Variants in CAMK1D observed in about 807,000 individuals in gnomAD.
CAMK1D encodes the protein calcium/calmodulin-dependent protein kinase type 1D.
In CAMK1D, 9 loss-of-function variants were observed where a neutral mutation model predicts 47.7. The ratio of observed to expected loss-of-function variants is 0.19; its 90% CI spans 0.11 to 0.33. CAMK1D has a LOEUF of 0.33. Ranked by LOEUF, CAMK1D falls within the 10% of genes least tolerant of loss-of-function variation. The pLI is 1.00. For synonymous variants in CAMK1D, 184 were observed against 184.9 expected (o/e 0.99, Z 0.04); for missense variants, 291 against 488.7 (o/e 0.60, Z 3.81).
In CAMK1D at chr10:12,761,514, G is replaced by A. The variant is rs1836507319; in HGVS notation, c.438+428G>A. Among the ~76,000 whole-genome samples, 3 of 152,242 alleles carry A rather than the reference G, an allele frequency of 2.0e-5. 1 individual carries two copies. The highest frequency in any genetic ancestry group is 6.8e-3 in the Middle Eastern group (2 of 294). ...AAAGAGAGCAGTGGTCAGACATCAT[G>A]AGAGGAAAGTGAAGGGAAACAGAAG... On this transcript the variant is annotated intron_variant, in intron 4 of 10. Transcript: ENST00000619168.
At chr10:12,354,003 A>C (rs1837424351) in intron 1 of CAMK1D, among the ~76,000 whole-genome samples, 1 of 152,084 alleles carries the variant, frequency 6.6e-6, no homozygotes, top group African/African-American at 2.4e-5. Flanking sequence ...GGTGTCTAGG[A>C]AGCACCCTAG....
At chr10:12,374,421 G>A (rs374187185) in intron 1 of CAMK1D, among the ~76,000 whole-genome samples, 27 of 152,140 alleles carry the variant, frequency 1.8e-4, no homozygotes, top group African/African-American at 5.5e-4. Flanking sequence ...ACACGGTACC[G>A]TGTCCTACAG....
chr10:12,731,253 C>T (rs565066752), intron 3 of CAMK1D, among the ~76,000 whole-genome samples: 9 of 152,104 alleles, frequency 5.9e-5, no homozygotes, highest in Non-Finnish European at 1.3e-4. Context: ...ATCGTGCGTC[C>T]TCTATGAAGG....
At chr10:12,425,760 T>C (rs1317095406) in intron 1 of CAMK1D, among the ~76,000 whole-genome samples, 1 of 152,274 alleles carries the variant, frequency 6.6e-6, no homozygotes, top group Non-Finnish European at 1.5e-5. Context: ...TAATCATTGC[T>C]TGATACATAT....
At chr10:12,362,680 T>G (rs540029979) in intron 1 of CAMK1D, among the ~76,000 whole-genome samples, 430 of 152,202 alleles carry the variant, frequency 2.8e-3, no homozygotes, top group Non-Finnish European at 3.7e-3. Flanking sequence ...ATTTTTTATT[T>G]TTTTTATTTT....
intron 2 of CAMK1D, among the ~76,000 whole-genome samples, chr10:12,660,725 T>A (rs1284189702): frequency 1.3e-5 from 2 of 152,240 alleles, no homozygotes; most frequent in Non-Finnish European, 2.9e-5. Context: ...AGCTCATGCT[T>A]ACTTTGGGCC....
intron 2 of CAMK1D, among the ~76,000 whole-genome samples, chr10:12,616,719 T>A (rs867195305): frequency 6.6e-6 from 1 of 152,094 alleles, no homozygotes; most frequent in East Asian, 1.9e-4. Flanking sequence ...GGGTTTCACC[T>A]TGTTAGCCAG....
intron 2 of CAMK1D, among the ~76,000 whole-genome samples, chr10:12,584,410 C>A (rs1390447991): frequency 6.6e-6 from 1 of 152,174 alleles, no homozygotes. Flanking sequence ...ATAGCATATT[C>A]TACTTGTTGA....
intron 2 of CAMK1D, among the ~76,000 whole-genome samples, chr10:12,584,125 TGTGAGTGCAGATTCTTA>T (rs1837744822): frequency 6.6e-6 from 1 of 152,226 alleles, no homozygotes; most frequent in South Asian, 2.1e-4. Flanking sequence ...GTTAATGTCT[TGTGAGTGCAGATTCTTA>T]AAGTGATGCC....
chr10:12,505,265 A>G (rs1222076261), intron 1 of CAMK1D, among the ~76,000 whole-genome samples: 1 of 152,200 alleles, frequency 6.6e-6, no homozygotes, highest in Admixed American at 6.5e-5. Context: ...GGCTCCTGGG[A>G]GTCTTCAAGA....
intron 1 of CAMK1D, among the ~76,000 whole-genome samples, chr10:12,427,698 C>CTGTTTTTTTTGTT (rs1840282580): frequency 7.3e-5 from 2 of 27,366 alleles, no homozygotes; most frequent in African/African-American, 2.3e-4. Flanking sequence ...ACTGAACTTA[C>CTGTTTTTTTTGTT]TGTTTTTTTT....
intron 2 of CAMK1D, among the ~76,000 whole-genome samples, chr10:12,609,023 T>C (rs745689207): frequency 6.6e-6 from 1 of 152,266 alleles, no homozygotes; most frequent in African/African-American, 2.4e-5. Flanking sequence ...TTATTGTTGC[T>C]GTAATTCCAA....
intron 1 of CAMK1D, among the ~76,000 whole-genome samples, chr10:12,542,974 G>C (rs1177695871): frequency 6.6e-6 from 1 of 152,002 alleles, no homozygotes; most frequent in African/African-American, 2.4e-5. Context: ...TTGAACTCCT[G>C]ACCTCAGGTG....
intron 5 of CAMK1D, among the ~76,000 whole-genome samples, chr10:12,774,412 A>G (rs560964682): frequency 6.6e-6 from 1 of 152,006 alleles, no homozygotes; most frequent in East Asian, 1.9e-4. Flanking sequence ...AAGGCAGGAG[A>G]ATGTGGGCAA....
chr10:12,378,785 G>A (rs758216956), intron 1 of CAMK1D, among the ~76,000 whole-genome samples: 2 of 150,528 alleles, frequency 1.3e-5, no homozygotes, highest in Admixed American at 6.7e-5. Flanking sequence ...ATCCAAGTGT[G>A]AGCATGCATT....
At position 12,425,915 on chromosome 10, in the gene CAMK1D, T is replaced by G. The variant is rs994352717; in HGVS notation, c.92+76005T>G. ...GCCCCAGGAACATTTTTGCATGCAC[T>G]GGTGGAAGAACTGAGAAAACAGACT... On this transcript the variant is annotated intron_variant, in intron 1 of 10. Transcript: ENST00000619168. 3.9e-5 allele frequency among the ~76,000 whole-genome samples: 6 copies of G among 152,236 alleles called. No individual in the cohort carries two copies. The South Asian group carries it at 1.0e-3, about 26-fold the overall frequency.
At chr10:12,799,291 G>A (rs1013626094) in intron 6 of CAMK1D, among the ~76,000 whole-genome samples, 2 of 152,160 alleles carry the variant, frequency 1.3e-5, no homozygotes, top group Non-Finnish European at 2.9e-5. Context: ...AAGAGGACAC[G>A]CCGAAAGTGC....
chr10:12,534,612 C>T (rs1835911052), intron 1 of CAMK1D, among the ~76,000 whole-genome samples: 1 of 152,162 alleles, frequency 6.6e-6, no homozygotes, highest in South Asian at 2.1e-4. Flanking sequence ...GTGATCTGCC[C>T]ACCTCGGCCT....
chr10:12,361,102 C>G (rs1837644923), intron 1 of CAMK1D, among the ~76,000 whole-genome samples: 1 of 152,114 alleles, frequency 6.6e-6, no homozygotes, highest in Admixed American at 6.5e-5. Context: ...AAGAATTATG[C>G]TCTTTGGATT....
Sources: gnomAD v4.1 joint callset for allele counts (sites outside exome capture counted in the v4.1 genomes callset) on GRCh38, gnomAD v4.1.1 for gene constraint, MANE v1.5 for transcripts, NCBI Gene and HGNC (gene_info 2026-07-23, HGNC 2026-07-21) for gene names.